Variants in CMTM7 observed in about 807,000 individuals in gnomAD.
The protein encoded by CMTM7 is CKLF like MARVEL transmembrane domain containing 7.
Under a neutral mutation model 19.3 loss-of-function variants are expected in CMTM7, and 7 were observed. The ratio of observed to expected loss-of-function variants is 0.36; its 90% CI spans 0.21 to 0.68. The LOEUF (loss-of-function observed/expected upper bound fraction) is 0.68. CMTM7 is among the 30% of genes least tolerant of loss of function. CMTM7 has a pLI of 0.60. For synonymous variants in CMTM7, 87 were observed against 99.3 expected (o/e 0.88, Z 0.74); for missense variants, 193 against 232.6 (o/e 0.83, Z 1.11).
intron 1 of CMTM7, among the ~76,000 whole-genome samples, chr3:32,436,858 C>G (rs1282304579): frequency 4.6e-5 from 7 of 152,092 alleles, no homozygotes; most frequent in Non-Finnish European, 7.4e-5. Flanking sequence ...CCTCCCCAGC[C>G]CAATCAGAAG....
At chr3:32,394,363 G>A (rs189080844) in intron 1 of CMTM7, among the ~76,000 whole-genome samples, 1 of 152,154 alleles carries the variant, frequency 6.6e-6, no homozygotes, top group Admixed American at 6.5e-5. Context: ...TTGACCATCA[G>A]TTTCTCAGTT....
intron 1 of CMTM7, among the ~76,000 whole-genome samples, chr3:32,421,549 G>C (rs1464845411): frequency 6.6e-6 from 1 of 152,194 alleles, no homozygotes; most frequent in Non-Finnish European, 1.5e-5. Flanking sequence ...TACGGGACAT[G>C]CCTGACCTTC....
chr3:32,396,477 A>C (rs1695920431), intron 1 of CMTM7, among the ~76,000 whole-genome samples: 2 of 152,180 alleles, frequency 1.3e-5, no homozygotes, highest in African/African-American at 4.8e-5. Context: ...ACTGTACTCT[A>C]ACCTGGGTGA....
intron 1 of CMTM7, among the ~76,000 whole-genome samples, chr3:32,408,477 C>G (rs1170314565): frequency 6.6e-6 from 1 of 152,204 alleles, no homozygotes; most frequent in Non-Finnish European, 1.5e-5. Context: ...ATCTCATCCA[C>G]TTTGAGTACA....
chr3:32,449,448 C>T lies in CMTM7; in HGVS notation c.334-6C>T, dbSNP rs1455623242. ...ACCCACTTATTTGCTTTGTTTCTGCCCCCAGGAACTTCTGCACTATTTAAT... is the reference window on the plus strand; with the variant it reads ...ACCCACTTATTTGCTTTGTTTCTGCTCCCAGGAACTTCTGCACTATTTAAT... On this transcript the variant is annotated splice_polypyrimidine_tract_variant and splice_region_variant and intron_variant, in intron 2 of 4. Coordinates refer to ENST00000334983, the MANE Select transcript of CMTM7 (RefSeq NM_138410.4). This position sits in a 1 kb window ranked among gnomAD's most constrained non-coding sequence, Gnocchi z 4.5. The T allele has an allele frequency of 1.2e-6, 2 of 1,609,486 alleles. No individual in the cohort carries two copies. Among genetic ancestry groups the T allele is most frequent in the Non-Finnish European group, 1.7e-6 (2 of 1,175,764 alleles).
chr3:32,393,600 C>T (rs904354718), intron 1 of CMTM7, among the ~76,000 whole-genome samples: 9 of 151,974 alleles, frequency 5.9e-5, no homozygotes, highest in African/African-American at 2.2e-4. Flanking sequence ...GATGAAACCT[C>T]GGCAACATAG....
At chr3:32,420,594 C>G (rs539283011) in intron 1 of CMTM7, among the ~76,000 whole-genome samples, 6 of 152,306 alleles carry the variant, frequency 3.9e-5, no homozygotes, top group South Asian at 4.1e-4. Context: ...AATGATCATG[C>G]CTTTGAACTG....
intron 3 of CMTM7, chr3:32,450,858 C>A (rs907001080): frequency 2.6e-5 from 4 of 152,210 alleles, no homozygotes; most frequent in Non-Finnish European, 5.9e-5. Context: ...TCATCATATG[C>A]TGTCTGTGTG....
chr3:32,448,644 T>C (rs144043074), intron 2 of CMTM7, among the ~76,000 whole-genome samples: 3 of 152,188 alleles, frequency 2.0e-5, no homozygotes, highest in African/African-American at 7.2e-5. Context: ...TTAATCATGA[T>C]GAGTGAGTGG....
chr3:32,439,750 G>A (rs1696648271), intron 1 of CMTM7, among the ~76,000 whole-genome samples: 1 of 152,246 alleles, frequency 6.6e-6, no homozygotes, highest in Admixed American at 6.5e-5. Flanking sequence ...TGGGATGCCA[G>A]GCATGCACCA....
At position 32,407,810 on chromosome 3, in the gene CMTM7, A is replaced by C. The variant is rs545046446; in HGVS notation, c.159+15745A>C. 2.6e-4 allele frequency among the ~76,000 whole-genome samples: 39 copies of C among 152,340 alleles called. No individual in the cohort carries two copies. In the South Asian group the frequency reaches 7.7e-3, roughly 30 times the overall value. On this transcript the variant is annotated intron_variant, in intron 1 of 4. Coordinates refer to ENST00000334983, the MANE Select transcript of CMTM7 (RefSeq NM_138410.4). ...AAGTCTACGAGGTTTGTGATGACATATATCCTGAATTTATGGATGTGATCA... is the reference window on the plus strand; with the variant it reads ...AAGTCTACGAGGTTTGTGATGACATCTATCCTGAATTTATGGATGTGATCA...
chr3:32,423,077 CT>C (rs1367932566), intron 1 of CMTM7, among the ~76,000 whole-genome samples: 1 of 152,212 alleles, frequency 6.6e-6, no homozygotes, highest in African/African-American at 2.4e-5. Context: ...GGGATTGGCT[CT>C]GCTCATTATA....
At chr3:32,452,588 C>T (rs924049280) in intron 4 of CMTM7, 115 bp downstream of exon 4, 11 of 1,059,724 alleles carry the variant, frequency 1.0e-5, no homozygotes, top group Admixed American at 3.6e-5. Flanking sequence ...TCCAAGGGGA[C>T]TTTAGAAGTA....
intron 2 of CMTM7, among the ~76,000 whole-genome samples, chr3:32,448,855 C>T (rs972387257): frequency 4.0e-5 from 6 of 151,650 alleles, no homozygotes; most frequent in African/African-American, 1.5e-4. Flanking sequence ...AGGCACTTCA[C>T]AGAAGTGCCA....
At chr3:32,425,018 G>A (rs1696408646) in intron 1 of CMTM7, among the ~76,000 whole-genome samples, 2 of 152,178 alleles carry the variant, frequency 1.3e-5, no homozygotes, top group African/African-American at 4.8e-5. Context: ...AGAAGAGGCA[G>A]GAAGCAGTGT....
chr3:32,393,125 G>C (rs2125615320), intron 1 of CMTM7, among the ~76,000 whole-genome samples: 1 of 152,274 alleles, frequency 6.6e-6, no homozygotes, highest in African/African-American at 2.4e-5. Flanking sequence ...CCTGGCCCCA[G>C]GGGGTTGGGC....
At chr3:32,445,414 TAA>T (rs1696739601) in intron 2 of CMTM7, among the ~76,000 whole-genome samples, 1 of 152,340 alleles carries the variant, frequency 6.6e-6, no homozygotes, top group African/African-American at 2.4e-5. Context: ...GTTTTTATCA[TAA>T]AAGAGTATTA....
At chr3:32,401,699 G>T (rs1194230439) in intron 1 of CMTM7, among the ~76,000 whole-genome samples, 5 of 152,230 alleles carry the variant, frequency 3.3e-5, no homozygotes, top group Admixed American at 3.3e-4. Flanking sequence ...AGCCTGGCTC[G>T]GCCGCCGCCC....
At position 32,425,317 on chromosome 3, in the gene CMTM7, T is replaced by G. The variant is rs149804628; in HGVS notation, c.160-16523T>G. On this transcript the variant is annotated intron_variant, in intron 1 of 4. Transcript: ENST00000334983. ...AGGGCTGTAGATCCTGCCCCACTCCTGCCAGTCCTGGAGAAGATTTCTTGG... is the reference window on the plus strand; with the variant it reads ...AGGGCTGTAGATCCTGCCCCACTCCGGCCAGTCCTGGAGAAGATTTCTTGG... Among the ~76,000 whole-genome samples the G allele has an allele frequency of 3.9e-5, 6 of 152,326 alleles. No homozygotes were observed. The East Asian group carries it at 1.2e-3, about 29-fold the overall frequency.
Sources: allele counts gnomAD v4.1 joint callset (sites outside exome capture counted in the v4.1 genomes callset), GRCh38; gene constraint gnomAD v4.1.1; non-coding constraint Gnocchi (gnomAD v3.1); transcripts MANE v1.5; gene names NCBI Gene and HGNC (gene_info 2026-07-23, HGNC 2026-07-21).